The following UNC5D variants were observed in gnomAD, a reference collection of about 807,000 sequenced individuals.
UNC5D encodes the protein netrin receptor UNC5D.
In UNC5D, 39 loss-of-function variants were observed where a neutral mutation model predicts 105.4. The ratio of observed to expected loss-of-function variants is 0.37; its 90% confidence interval spans 0.29 to 0.48. UNC5D has a LOEUF of 0.48. Among genes scored for constraint, UNC5D ranks in the 20% least tolerant of loss-of-function variants. The probability of loss-of-function intolerance (pLI) is 0.98; values close to 1 mark genes in which losing one functional copy is unlikely to be tolerated. For missense variants in UNC5D, 991 were observed against 1,202.4 expected, an observed-to-expected ratio of 0.82 and a Z score of 2.60; for synonymous variants, 452 against 450.4, an observed-to-expected ratio of 1.00 and a Z score of -0.04.
chr8:35,742,849 G>A (rs1337550472), intron 11 of UNC5D, among the ~76,000 whole-genome samples: 1 of 152,200 alleles, frequency 6.6e-6, no homozygotes, highest in East Asian at 1.9e-4. Context: ...GCTGTAGGAT[G>A]TTAGGTACTA....
intron 4 of UNC5D, among the ~76,000 whole-genome samples, chr8:35,632,885 C>CA (rs1431355691): frequency 6.6e-6 from 1 of 152,188 alleles, no homozygotes; most frequent in Non-Finnish European, 1.5e-5. Context: ...TTTGGAGCCC[C>CA]TTTCCTGGTC....
chr8:35,614,412 G>T (rs1166003963), intron 4 of UNC5D, among the ~76,000 whole-genome samples: 2 of 152,144 alleles, frequency 1.3e-5, no homozygotes, highest in Admixed American at 1.3e-4. Flanking sequence ...TGGGCCTCAG[G>T]TATAAATAAT....
intron 3 of UNC5D, among the ~76,000 whole-genome samples, chr8:35,590,042 AT>A (rs371395920): frequency 0.013 from 1,957 of 152,248 alleles, 38 homozygotes; most frequent in African/African-American, 0.044. Flanking sequence ...TGGTTCCAAA[AT>A]TTGACATTTC....
chr8:35,389,323 T>C (rs185066193), intron 1 of UNC5D, among the ~76,000 whole-genome samples: 2 of 152,332 alleles, frequency 1.3e-5, no homozygotes, highest in East Asian at 3.9e-4. Flanking sequence ...CATATTTTAA[T>C]GTGTGTGCAA....
chr8:35,657,122 A>ATATATG (rs1823829035), intron 4 of UNC5D, among the ~76,000 whole-genome samples: 1 of 119,178 alleles, frequency 8.4e-6, no homozygotes, highest in Non-Finnish European at 1.7e-5. Context: ...ATATATATAT[A>ATATATG]TGCCAGTTGC....
chr8:35,507,475 G>A (rs943063118), intron 1 of UNC5D, among the ~76,000 whole-genome samples: 1 of 152,116 alleles, frequency 6.6e-6, no homozygotes, highest in Non-Finnish European at 1.5e-5. Context: ...CATGGCAAAG[G>A]TCCTAGAGGC....
At chr8:35,594,080 GA>G (rs1819345351) in intron 3 of UNC5D, among the ~76,000 whole-genome samples, 1 of 152,180 alleles carries the variant, frequency 6.6e-6, no homozygotes, top group Admixed American at 6.5e-5. Flanking sequence ...TTCCCGGATA[GA>G]GGGAAGCTGG....
At chr8:35,263,998 A>C (rs1391697590) in intron 1 of UNC5D, among the ~76,000 whole-genome samples, 1 of 152,228 alleles carries the variant, frequency 6.6e-6, no homozygotes, top group Non-Finnish European at 1.5e-5. Context: ...TATTTAATAC[A>C]TTTCTTAGAA....
rs186458986 is a variant in UNC5D at position 35,728,645 on chromosome 8, T to G, written c.1681+2116T>G. On this transcript the variant is annotated intron_variant, in intron 10 of 16. Transcript: ENST00000404895. Reference sequence around the variant, plus strand: ...CAAAATATGCCCTAGGGAGCTAAAGTATAAAGAAAGCAAGGCACTGAAATT... The same window carrying G: ...CAAAATATGCCCTAGGGAGCTAAAGGATAAAGAAAGCAAGGCACTGAAATT... 1.2e-3 allele frequency among the ~76,000 whole-genome samples: 188 copies of G among 152,284 alleles called. 1 individual carries two copies. Among genetic ancestry groups the G allele is most frequent in the Non-Finnish European group, 8.8e-5 (6 of 68,024 alleles).
chr8:35,633,555 C>T (rs998380495), intron 4 of UNC5D, among the ~76,000 whole-genome samples: 1 of 151,880 alleles, frequency 6.6e-6, no homozygotes, highest in African/African-American at 2.4e-5. Flanking sequence ...CAAGACCAAC[C>T]TGGGCAACAT....
At chr8:35,637,370 A>C (rs1822445807) in intron 4 of UNC5D, among the ~76,000 whole-genome samples, 1 of 152,202 alleles carries the variant, frequency 6.6e-6, no homozygotes, top group Non-Finnish European at 1.5e-5. Context: ...TCTCAGGTGC[A>C]TAGGTTACAT....
chr8:35,758,871 C>T (rs1830632162), intron 13 of UNC5D, among the ~76,000 whole-genome samples: 1 of 152,060 alleles, frequency 6.6e-6, no homozygotes, highest in South Asian at 2.1e-4. Context: ...TCATATAGTG[C>T]CTGCATTAGT....
intron 2 of UNC5D, among the ~76,000 whole-genome samples, chr8:35,567,369 A>G (rs971215916): frequency 6.6e-6 from 1 of 152,200 alleles, no homozygotes; most frequent in Non-Finnish European, 1.5e-5. Context: ...AAAATATCAC[A>G]TGTGGCTGGG....
chr8:35,518,848 C>T (rs191671605), intron 1 of UNC5D, among the ~76,000 whole-genome samples: 62 of 149,180 alleles, frequency 4.2e-4, no homozygotes, highest in Non-Finnish European at 7.1e-4. Context: ...AAATTTAACT[C>T]ATCTTAGAAA....
chr8:35,463,584 G>C (rs1014109343), intron 1 of UNC5D, among the ~76,000 whole-genome samples: 12 of 143,784 alleles, frequency 8.3e-5, no homozygotes, highest in African/African-American at 3.1e-4. Context: ...GCTTCATAAA[G>C]ACATTTTTGA....
rs1205457803 is a variant in UNC5D at position 35,446,307 on chromosome 8, A to G, written c.104-102985A>G. 1.2e-4 allele frequency among the ~76,000 whole-genome samples: 18 copies of G among 152,040 alleles called. 1 individual carries two copies. ...GTTGTTGAGATTTTGTTTAATTGCA[A>G]CGTAACTCATATACCATATTACATT... On this transcript the variant is annotated intron_variant, in intron 1 of 16. Coordinates refer to ENST00000404895, the MANE Select transcript of UNC5D (RefSeq NM_080872.4).
intron 4 of UNC5D, among the ~76,000 whole-genome samples, chr8:35,645,790 A>G (rs1365524928): frequency 6.6e-6 from 1 of 152,064 alleles, no homozygotes; most frequent in Non-Finnish European, 1.5e-5. Context: ...GCCATTCTAG[A>G]CACTTGCTGG....
intron 9 of UNC5D, among the ~76,000 whole-genome samples, chr8:35,725,663 A>C (rs1227859808): frequency 6.6e-6 from 1 of 152,162 alleles, no homozygotes; most frequent in Non-Finnish European, 1.5e-5. Context: ...TATGAAATGC[A>C]CTGGAACCGA....
At chr8:35,508,055 T>C (rs1198713000) in intron 1 of UNC5D, among the ~76,000 whole-genome samples, 1 of 152,198 alleles carries the variant, frequency 6.6e-6, no homozygotes, top group African/African-American at 2.4e-5. Context: ...ACATTGGTCC[T>C]ATCATGACAG....
Sources: gnomAD v4.1 joint callset for allele counts (sites outside exome capture counted in the v4.1 genomes callset) on GRCh38, gnomAD v4.1.1 for gene constraint, MANE v1.5 for transcripts, NCBI Gene and HGNC (gene_info 2026-07-23, HGNC 2026-07-21) for gene names.